Variants in GUCY2C observed in about 807,000 individuals in gnomAD.
GUCY2C encodes the protein guanylyl cyclase C.
GUCY2C carries 118 observed loss-of-function variants against 131.1 expected under a neutral mutation model. The ratio of observed to expected loss-of-function variants is 0.90; its 90% confidence interval spans 0.78 to 1.05. The LOEUF (loss-of-function observed/expected upper bound fraction) is 1.05. Ranked by LOEUF, GUCY2C falls within the 50% of genes least tolerant of loss-of-function variation. The pLI is 0.00. For synonymous variants in GUCY2C, 452 were observed against 457.8 expected (o/e 0.99, Z 0.16); for missense variants, 1,161 against 1,304.4 (o/e 0.89, Z 1.69).
chr12:14,663,224 C>T (rs1452931082), intron 10 of GUCY2C, among the ~76,000 whole-genome samples: 1 of 152,172 alleles, frequency 6.6e-6, no homozygotes, highest in Non-Finnish European at 1.5e-5. Flanking sequence ...GGATCAGGTG[C>T]ATTCACTTTC....
At chr12:14,630,165 C>T (rs1031002592) in intron 19 of GUCY2C, among the ~76,000 whole-genome samples, 1 of 151,008 alleles carries the variant, frequency 6.6e-6, no homozygotes, top group East Asian at 1.9e-4. Flanking sequence ...TTTTTCACTC[C>T]GGCTAAAAAC....
chr12:14,644,643 A>G (rs975478904), intron 16 of GUCY2C, among the ~76,000 whole-genome samples: 3 of 151,432 alleles, frequency 2.0e-5, no homozygotes, highest in African/African-American at 7.3e-5. Flanking sequence ...TTTTCCTATC[A>G]CGTCTCAAAA....
At chr12:14,654,545 C>G (rs765525257) in intron 12 of GUCY2C, among the ~76,000 whole-genome samples, 2 of 152,134 alleles carry the variant, frequency 1.3e-5, no homozygotes, top group Non-Finnish European at 2.9e-5. Flanking sequence ...GGTCAGGTGA[C>G]TCATTCATTC....
At chr12:14,679,836 T>C (rs1948311424) in intron 5 of GUCY2C, 83 bp from the exon 6 acceptor site, 2 of 728,630 alleles carry the variant, frequency 2.7e-6, no homozygotes, top group Admixed American at 4.3e-5. Context: ...TGAATTTGAA[T>C]CCAGTATGTT....
chr12:14,628,774 A>G (rs1947078326), intron 19 of GUCY2C, 37 bp from the exon 20 acceptor site: 1 of 951,782 alleles, frequency 1.1e-6, no homozygotes, highest in South Asian at 1.3e-5. Flanking sequence ...AGCTAAGGGG[A>G]TAGTAAACTA....
intron 4 of GUCY2C, among the ~76,000 whole-genome samples, chr12:14,682,390 T>G (rs777483959): frequency 1.3e-5 from 2 of 152,156 alleles, no homozygotes; most frequent in Non-Finnish European, 2.9e-5. Flanking sequence ...GCACTTTTCC[T>G]TCCTGCCACC....
At chr12:14,672,842 C>T in intron 9 of GUCY2C, 31 bp downstream of exon 9, 1 of 1,282,670 alleles carries the variant, frequency 7.8e-7, no homozygotes, top group Non-Finnish European at 1.1e-6. Context: ...GTCACAGCAC[C>T]CTGAATTTTC....
intron 19 of GUCY2C, among the ~76,000 whole-genome samples, chr12:14,632,120 G>A (rs1452608812): frequency 6.6e-6 from 1 of 152,126 alleles, no homozygotes; most frequent in Non-Finnish European, 1.5e-5. Flanking sequence ...GTAGATTCTG[G>A]ATATTAGCCC....
At chr12:14,685,041 G>C (rs1351426148) in intron 3 of GUCY2C, among the ~76,000 whole-genome samples, 1 of 152,130 alleles carries the variant, frequency 6.6e-6, no homozygotes. Context: ...TATTGGTCAG[G>C]AGAGTCCTTG....
intron 20 of GUCY2C, 63 bp downstream of exon 20, chr12:14,628,583 T>G: frequency 1.1e-6 from 1 of 893,744 alleles, no homozygotes; most frequent in Non-Finnish European, 1.9e-6. Flanking sequence ...TGCCACTGAA[T>G]GTCAACTATA....
intron 16 of GUCY2C, among the ~76,000 whole-genome samples, chr12:14,644,590 T>C (rs1320964291): frequency 6.6e-6 from 1 of 152,186 alleles, no homozygotes; most frequent in Non-Finnish European, 1.5e-5. Context: ...AACCAACTTG[T>C]CTTCATTCTT....
At chr12:14,640,985 A>C (rs564246991) in intron 18 of GUCY2C, 97 bp downstream of exon 18, 44 of 1,033,838 alleles carry the variant, frequency 4.3e-5, no homozygotes, top group South Asian at 3.7e-4. Context: ...CATTTGAAGG[A>C]ATTGTGATGT....
chr12:14,675,787 A>C (rs1035647835), intron 7 of GUCY2C, among the ~76,000 whole-genome samples: 1 of 152,190 alleles, frequency 6.6e-6, no homozygotes, highest in African/African-American at 2.4e-5. Context: ...TTTGCAAAGA[A>C]TCGTATTTTT....
chr12:14,678,180 C>A (rs1948279042), intron 6 of GUCY2C, among the ~76,000 whole-genome samples: 1 of 152,136 alleles, frequency 6.6e-6, no homozygotes, highest in Non-Finnish European at 1.5e-5. Flanking sequence ...CTCCTATTAT[C>A]ACATTAATCC....
chr12:14,646,523 G>C (rs1484710862), intron 15 of GUCY2C, among the ~76,000 whole-genome samples: 5 of 151,994 alleles, frequency 3.3e-5, no homozygotes, highest in African/African-American at 1.2e-4. Context: ...ATATTATTCT[G>C]TTTTGATGAT....
At chr12:14,636,737 T>G (rs1947277732) in intron 19 of GUCY2C, among the ~76,000 whole-genome samples, 1 of 152,112 alleles carries the variant, frequency 6.6e-6, no homozygotes, top group South Asian at 2.1e-4. Context: ...CTAGAAAACC[T>G]AAAGCTTCAC....
At position 14,621,163 on chromosome 12, in the gene GUCY2C, A is replaced by G. The variant is rs941809480; in HGVS notation, c.2655T>C (p.Asn885=). The change falls in exon 23 of 27, where the codon AAT becomes AAC. Residue 885 remains asparagine (N), a synonymous_variant. Transcript: ENST00000261170. ...CAATGTCTATTGCATGCCGATTGCC[A>G]TTTCTCTTAGGCAAACCACTAGCCA... The part of the protein sequence containing the change: ...YMVASGLPKR[N]GNRHAIDIAK... 6.2e-7 allele frequency: 1 copy of G among 1,613,680 alleles called. No individual in the cohort carries two copies. The highest frequency in any genetic ancestry group is 8.5e-7 in the Non-Finnish European group (1 of 1,179,774).
At chr12:14,618,025 G>A (rs975285008) in intron 24 of GUCY2C, among the ~76,000 whole-genome samples, 8 of 152,098 alleles carry the variant, frequency 5.3e-5, no homozygotes, top group African/African-American at 9.7e-5. Context: ...CCTGCCTCCT[G>A]TGGTTTCGTA....
At chr12:14,679,202 G>A (rs970912433) in intron 6 of GUCY2C, among the ~76,000 whole-genome samples, 1 of 152,158 alleles carries the variant, frequency 6.6e-6, no homozygotes, top group African/African-American at 2.4e-5. Context: ...AATCAGGCTA[G>A]AGATCAGGAT....
Sources: gnomAD v4.1 joint callset for allele counts (sites outside exome capture counted in the v4.1 genomes callset) on GRCh38, gnomAD v4.1.1 for gene constraint, MANE v1.5 for transcripts, NCBI Gene and HGNC (gene_info 2026-07-23, HGNC 2026-07-21) for gene names.